The following HUWE1 variants were observed in gnomAD, a reference collection of about 807,000 sequenced individuals.
HUWE1 encodes the protein E3 ubiquitin-protein ligase HUWE1.
Under a neutral mutation model 299.4 loss-of-function variants are expected in HUWE1, and 18 were observed. The ratio of observed to expected loss-of-function variants is 0.06; its 90% CI spans 0.04 to 0.09. The LOEUF is 0.09. HUWE1 is among the 10% of genes least tolerant of loss of function. HUWE1 has a pLI of 1.00. For missense variants in HUWE1, 1,832 were observed against 3,462.3 expected (o/e 0.53, Z 11.82); for synonymous variants, 1,317 against 1,286.1 (o/e 1.02, Z -0.51).
chrX:53,645,014 A>G (rs1165789407), intron 7 of HUWE1, among the ~76,000 whole-genome samples: 1 of 112,346 alleles, frequency 8.9e-6, no homozygotes, highest in East Asian at 2.8e-4. Context: ...TTATTGCATT[A>G]TACTTCCTTC....
At chrX:53,568,615 T>C in intron 49 of HUWE1, 77 bp downstream of exon 49, 1 of 1,016,828 alleles carries the variant, frequency 9.8e-7, no homozygotes, top group Non-Finnish European at 1.4e-6. Flanking sequence ...GTTTTCCCAC[T>C]ACACCAGCTA....
intron 63 of HUWE1, among the ~76,000 whole-genome samples, chrX:53,551,773 A>C (rs782281217): frequency 1.8e-5 from 2 of 111,664 alleles, no homozygotes; most frequent in Non-Finnish European, 3.8e-5. Flanking sequence ...TCTGCTTCCC[A>C]AATTTTCAGG....
chrX:53,561,314 C>T (rs782047707), intron 55 of HUWE1, among the ~76,000 whole-genome samples: 7 of 112,134 alleles, frequency 6.2e-5, no homozygotes, highest in South Asian at 7.5e-4. Context: ...CCCGAAAAGA[C>T]GCATCCTGGA....
chrX:53,612,705 C>A (rs1439074849), intron 23 of HUWE1, among the ~76,000 whole-genome samples: 1 of 111,768 alleles, frequency 8.9e-6, no homozygotes, highest in Non-Finnish European at 1.9e-5. Flanking sequence ...AACCAACCAA[C>A]CAACCAACCA....
chrX:53,538,113 T>C (rs945037732), intron 77 of HUWE1, among the ~76,000 whole-genome samples: 10 of 111,359 alleles, frequency 9.0e-5, no homozygotes, highest in Non-Finnish European at 1.3e-4. Context: ...TCAAAAATCA[T>C]GTGACTCTGT....
Position 53,675,115 on chromosome X carries a change from A to T in HUWE1, c.-25+4934T>A, listed in dbSNP as rs191347573. Among the ~76,000 whole-genome samples the T allele has an allele frequency of 3.4e-3, 379 of 111,182 alleles. 3 individuals carry two copies. Among genetic ancestry groups the T allele is most frequent in the African/African-American group, 0.012 (368 of 30,573 alleles). ...ATATGAAGTACAGCTGTTTCTTTAC[A>T]TTGTACTTGATCACTACCTGGGTAT... is the stretch of plus-strand genomic sequence containing the variant. On this transcript the variant is annotated intron_variant, in intron 3 of 83. Coordinates refer to ENST00000262854, the MANE Select transcript of HUWE1 (RefSeq NM_031407.7).
At chrX:53,574,099 G>T in intron 46 of HUWE1, 135 bp from the exon 47 acceptor site, 1 of 528,510 alleles carries the variant, frequency 1.9e-6, no homozygotes, top group Non-Finnish European at 3.3e-6. Flanking sequence ...TGACACTGCA[G>T]TGCAAGAGCA....
At chrX:53,578,716 G>A (rs1556962718) in intron 43 of HUWE1, among the ~76,000 whole-genome samples, 6 of 74,140 alleles carry the variant, frequency 8.1e-5, no homozygotes, top group Admixed American at 2.6e-4. Flanking sequence ...CGCCCCGTCC[G>A]GGAGGTGAGG....
Position 53,546,596 on chromosome X carries a change from A to G in HUWE1, c.10759-4T>C. ...AACAAGAGTGGGATGTCAACACCTGAGAAAAAGAAGACAGAAGGAGTAAGC... is the reference window on the plus strand; with the variant it reads ...AACAAGAGTGGGATGTCAACACCTGGGAAAAAGAAGACAGAAGGAGTAAGC... On this transcript the variant is annotated splice_region_variant and splice_polypyrimidine_tract_variant and intron_variant, in intron 69 of 83. Coordinates refer to ENST00000262854, the MANE Select transcript of HUWE1 (RefSeq NM_031407.7). 8.3e-7 allele frequency: 1 copy of G among 1,209,716 alleles called. No homozygotes were observed. Among genetic ancestry groups the G allele is most frequent in the East Asian group, 3.0e-5 (1 of 33,823 alleles).
intron 43 of HUWE1, chrX:53,579,919 G>A (rs1485097492): frequency 3.2e-5 from 3 of 92,413 alleles, no homozygotes; most frequent in African/African-American, 1.2e-4. Flanking sequence ...ATCCCCCTCT[G>A]CGAGAAACAC....
At chrX:53,644,246 G>A (rs2067816258) in intron 7 of HUWE1, among the ~76,000 whole-genome samples, 1 of 112,249 alleles carries the variant, frequency 8.9e-6, no homozygotes, top group African/African-American at 3.2e-5. Flanking sequence ...TGAATCCAAT[G>A]GAAATGCCTC....
At position 53,615,841 on chromosome X, in the gene HUWE1, G is replaced by A; in HGVS notation, c.1958-6C>T. 8.6e-7 allele frequency: 1 copy of A among 1,165,060 alleles called. No homozygotes were observed. The highest frequency in any genetic ancestry group is 1.2e-6 in the Non-Finnish European group (1 of 853,786). ...CAGGTTGGATGCAGTATCCCCTTAA[G>A]GCAAAAAATGAACTGTTAGAATTAG... On this transcript the variant is annotated splice_polypyrimidine_tract_variant and splice_region_variant and intron_variant, in intron 21 of 83. Transcript: ENST00000262854.
intron 3 of HUWE1, among the ~76,000 whole-genome samples, chrX:53,658,936 A>G (rs1402492490): frequency 8.9e-6 from 1 of 112,888 alleles, no homozygotes; most frequent in Non-Finnish European, 1.9e-5. Flanking sequence ...CCACAGACAG[A>G]CAGATGGCAA....
At chrX:53,563,647 C>T (rs1216109244) in intron 52 of HUWE1, 99 bp downstream of exon 52, 10 of 956,889 alleles carry the variant, frequency 1.0e-5, no homozygotes, top group African/African-American at 1.9e-5. Flanking sequence ...TGGCTATGAG[C>T]CCTTAGGCAG....
intron 49 of HUWE1, among the ~76,000 whole-genome samples, chrX:53,565,444 C>CAATG (rs2062479812): frequency 1.8e-5 from 2 of 111,350 alleles, no homozygotes; most frequent in Admixed American, 9.5e-5. Context: ...AGAGTTAAAT[C>CAATG]AATGCCATAT....
chrX:53,671,648 C>A (rs1355777431), intron 3 of HUWE1, among the ~76,000 whole-genome samples: 1 of 110,243 alleles, frequency 9.1e-6, no homozygotes, highest in African/African-American at 3.3e-5. Context: ...AAAAAATTAG[C>A]CGGGCGAGGT....
chrX:53,639,041 T>G (rs1416724222), intron 7 of HUWE1, among the ~76,000 whole-genome samples: 1 of 112,341 alleles, frequency 8.9e-6, no homozygotes, highest in Non-Finnish European at 1.9e-5. Context: ...GACTGAACCA[T>G]TTTTGAAAAC....
chrX:53,594,767 T>C lies in HUWE1; in HGVS notation c.3381-146A>G, dbSNP rs1045000539. 6 of 577,297 alleles carry C rather than the reference T, an allele frequency of 1.0e-5. No homozygotes were observed. The African/African-American group carries it at 1.4e-4, about 13-fold the overall frequency. The allele number at this position is 577,297 out of a possible 1,213,427, so 47.6% of individuals were successfully genotyped here. ...AAAGAATACAGGATGAGTATCCCTA[T>C]CAGAAAATTCAAAATGTTCCAAAAT... On this transcript the variant is annotated intron_variant, in intron 30 of 83. Coordinates refer to ENST00000262854, the MANE Select transcript of HUWE1 (RefSeq NM_031407.7).
rs781901197 is a variant in HUWE1, at chrX:53,538,878, G to A, written c.11835C>T (p.Ser3945=). ...FSREPSSMHI[S]SSLPPDTQKF... ...TCTGTGTGTCAGGGGGCAGGCTTGA[G>A]GAGATGTGCATAGATGAGGGCTCCC... Residue 3945 remains serine, a synonymous_variant, in exon 76 of 84, where the codon TCC becomes TCT. Coordinates refer to ENST00000262854, the MANE Select transcript of HUWE1 (RefSeq NM_031407.7). 8 of 1,204,910 alleles carry A rather than the reference G, an allele frequency of 6.6e-6. No individual in the cohort carries two copies. Among genetic ancestry groups the A allele is most frequent in the South Asian group, 1.8e-5 (1 of 55,950 alleles).
Sources: allele counts gnomAD v4.1 joint callset (sites outside exome capture counted in the v4.1 genomes callset), GRCh38; gene constraint gnomAD v4.1.1; transcripts MANE v1.5; gene names NCBI Gene and HGNC (gene_info 2026-07-23, HGNC 2026-07-21).